Variants in GABRB1 observed in about 807,000 individuals in gnomAD.
The protein encoded by GABRB1 is gamma-aminobutyric acid type A receptor subunit beta1.
Under a neutral mutation model 51.6 loss-of-function variants are expected in GABRB1, and 17 were observed. The ratio of observed to expected loss-of-function variants is 0.33; its 90% CI spans 0.23 to 0.49. The LOEUF (loss-of-function observed/expected upper bound fraction) is 0.49, where lower values mean the gene tolerates loss of function less well. Among genes scored for constraint, GABRB1 ranks in the 20% least tolerant of loss-of-function variants. The probability of loss-of-function intolerance (pLI) is 0.99; values close to 1 mark genes in which losing one functional copy is unlikely to be tolerated. For missense variants in GABRB1, 410 were observed against 600.6 expected (o/e 0.68, Z 3.32); for synonymous variants, 247 against 218.9 (o/e 1.13, Z -1.14).
chr4:47,050,067 T>C (rs1470780387), intron 3 of GABRB1, among the ~76,000 whole-genome samples: 2 of 152,244 alleles, frequency 1.3e-5, no homozygotes, highest in Non-Finnish European at 2.9e-5. Context: ...AATGCTTAAC[T>C]ATCTATGTGC....
intron 4 of GABRB1, among the ~76,000 whole-genome samples, chr4:47,169,751 C>T (rs190263138): frequency 9.2e-5 from 14 of 152,176 alleles, no homozygotes; most frequent in African/African-American, 3.1e-4. Flanking sequence ...ATCCCCCCGC[C>T]TTGACCTCCC....
chr4:47,301,661 C>T (rs1375770715), intron 4 of GABRB1, among the ~76,000 whole-genome samples: 2 of 151,710 alleles, frequency 1.3e-5, no homozygotes, highest in African/African-American at 4.8e-5. Flanking sequence ...TCAATTAACC[C>T]ATTAATTAAT....
At chr4:47,414,527 T>C (rs1391750946) in intron 8 of GABRB1, among the ~76,000 whole-genome samples, 1 of 152,200 alleles carries the variant, frequency 6.6e-6, no homozygotes, top group Non-Finnish European at 1.5e-5. Flanking sequence ...TTGAATAGAA[T>C]GGGAGGCAGG....
intron 8 of GABRB1, among the ~76,000 whole-genome samples, chr4:47,407,803 T>C (rs1276017987): frequency 6.6e-6 from 1 of 152,168 alleles, no homozygotes; most frequent in Non-Finnish European, 1.5e-5. Context: ...TAGTTACTAG[T>C]AAGTGCTAAA....
At chr4:47,087,775 T>G (rs2109580148) in intron 3 of GABRB1, among the ~76,000 whole-genome samples, 2 of 152,334 alleles carry the variant, frequency 1.3e-5, no homozygotes, top group East Asian at 3.9e-4. Flanking sequence ...CATCCTGTTT[T>G]AAGACTTGTT....
At chr4:47,343,719 A>G (rs910577183) in intron 5 of GABRB1, among the ~76,000 whole-genome samples, 2 of 152,218 alleles carry the variant, frequency 1.3e-5, no homozygotes, top group African/African-American at 2.4e-5. Flanking sequence ...GCCTGTGCTC[A>G]CTAGAGAGCA....
intron 4 of GABRB1, among the ~76,000 whole-genome samples, chr4:47,191,128 A>AGGG (rs2109783487): frequency 6.6e-6 from 1 of 152,278 alleles, no homozygotes; most frequent in Admixed American, 6.5e-5. Context: ...GATGATCAGC[A>AGGG]GATCAGAGAA....
At chr4:47,019,576 T>TCTCTCTCTCC (rs1186431950) in intron 1 of GABRB1, among the ~76,000 whole-genome samples, 262 of 147,462 alleles carry the variant, frequency 1.8e-3, no homozygotes, top group African/African-American at 6.1e-3. Context: ...TCTCTCTCTC[T>TCTCTCTCTCC]CCCTCCTTCC....
intron 4 of GABRB1, among the ~76,000 whole-genome samples, chr4:47,217,895 A>G (rs1486850780): frequency 6.6e-6 from 1 of 151,748 alleles, no homozygotes; most frequent in Non-Finnish European, 1.5e-5. Context: ...TCTTAACTGT[A>G]GTCACTCCAC....
chr4:47,097,319 C>T (rs938083570), intron 3 of GABRB1, among the ~76,000 whole-genome samples: 2 of 152,162 alleles, frequency 1.3e-5, no homozygotes, highest in South Asian at 4.1e-4. Context: ...TGCTGTAGGA[C>T]TCTGTGCTTG....
chr4:47,356,342 A>T (rs942766989), intron 5 of GABRB1, among the ~76,000 whole-genome samples: 3 of 152,192 alleles, frequency 2.0e-5, no homozygotes, highest in African/African-American at 7.2e-5. Flanking sequence ...TTTCTTCCCG[A>T]AAACTTTCAA....
intron 3 of GABRB1, among the ~76,000 whole-genome samples, chr4:47,122,986 G>C (rs1364631579): frequency 6.6e-6 from 1 of 152,080 alleles, no homozygotes; most frequent in Admixed American, 6.6e-5. Flanking sequence ...CTGTGAAACA[G>C]AAATTTAATA....
chr4:47,231,549 G>C (rs948202496), intron 4 of GABRB1, among the ~76,000 whole-genome samples: 1 of 152,048 alleles, frequency 6.6e-6, no homozygotes, highest in Non-Finnish European at 1.5e-5. Flanking sequence ...ATCACAGTAG[G>C]AATTATTATA....
At chr4:47,013,371 G>A (rs1388755968) in intron 1 of GABRB1, among the ~76,000 whole-genome samples, 2 of 152,138 alleles carry the variant, frequency 1.3e-5, no homozygotes, top group Non-Finnish European at 2.9e-5. Context: ...TGTTGGCCAG[G>A]CTGGTTTCCA....
At chr4:47,309,646 T>C (rs987442726) in intron 4 of GABRB1, among the ~76,000 whole-genome samples, 1 of 152,122 alleles carries the variant, frequency 6.6e-6, no homozygotes, top group African/African-American at 2.4e-5. Flanking sequence ...ATTATGTCCA[T>C]GGAGCATACC....
chr4:47,301,750 A>C (rs1724271458), intron 4 of GABRB1, among the ~76,000 whole-genome samples: 1 of 152,196 alleles, frequency 6.6e-6, no homozygotes, highest in Non-Finnish European at 1.5e-5. Context: ...TAGTATACTG[A>C]AAAAACATAG....
At chr4:47,256,041 T>A (rs182777776) in intron 4 of GABRB1, among the ~76,000 whole-genome samples, 3 of 152,320 alleles carry the variant, frequency 2.0e-5, no homozygotes, top group Admixed American at 1.3e-4. Context: ...AGTGCCACAC[T>A]AATGAATTAG....
At chr4:47,215,060 T>A (rs961406015) in intron 4 of GABRB1, among the ~76,000 whole-genome samples, 33 of 152,090 alleles carry the variant, frequency 2.2e-4, no homozygotes, top group African/African-American at 7.7e-4. Context: ...CCATGGGATA[T>A]GTACTGCTCA....
At chr4:47,415,034 T>G (rs1443374600) in intron 8 of GABRB1, among the ~76,000 whole-genome samples, 1 of 152,242 alleles carries the variant, frequency 6.6e-6, no homozygotes, top group African/African-American at 2.4e-5. Flanking sequence ...TGTCCTAATC[T>G]GGCTTCGTTC....
Sources: allele counts gnomAD v4.1 joint callset (sites outside exome capture counted in the v4.1 genomes callset), GRCh38; gene constraint gnomAD v4.1.1; transcripts MANE v1.5; gene names NCBI Gene and HGNC (gene_info 2026-07-23, HGNC 2026-07-21).